Variants in PKD2 observed in about 807,000 individuals in gnomAD.
PKD2 encodes the protein polycystin-2.
PKD2 carries 48 observed loss-of-function variants against 105.9 expected under a neutral mutation model. The observed-to-expected ratio is 0.45, with a 90% CI of 0.36 to 0.58. The LOEUF is 0.58. Among genes scored for constraint, PKD2 ranks in the 20% least tolerant of loss-of-function variants. The pLI is 0.00. For missense variants in PKD2, 1,078 were observed against 1,255.3 expected (o/e 0.86, Z 2.13); for synonymous variants, 464 against 481.1 (o/e 0.96, Z 0.46).
At chr4:88,011,409 C>G (rs537856311) in intron 1 of PKD2, among the ~76,000 whole-genome samples, 10 of 151,772 alleles carry the variant, frequency 6.6e-5, no homozygotes, top group African/African-American at 1.9e-4. Flanking sequence ...AGATACCTCC[C>G]TCCCCTTCAA....
At chr4:88,074,377 A>G (rs1182493189) in intron 13 of PKD2, among the ~76,000 whole-genome samples, 3 of 152,134 alleles carry the variant, frequency 2.0e-5, no homozygotes, top group Admixed American at 6.6e-5. Flanking sequence ...GCCTCAAGCG[A>G]TCTGCACACT....
At chr4:88,024,301 A>G (rs1726869733) in intron 2 of PKD2, among the ~76,000 whole-genome samples, 1 of 151,856 alleles carries the variant, frequency 6.6e-6, no homozygotes, top group Non-Finnish European at 1.5e-5. Context: ...TACAAGATAT[A>G]CAAAAATTAG....
intron 3 of PKD2, 31 bp from the exon 4 acceptor site, chr4:88,038,220 A>G (rs377703497): frequency 3.6e-5 from 58 of 1,613,392 alleles, no homozygotes; most frequent in Non-Finnish European, 4.7e-5. Flanking sequence ...TGAGCTTGGA[A>G]CTTTTTCAGA....
chr4:88,022,416 A>G (rs1228039321), intron 2 of PKD2, among the ~76,000 whole-genome samples: 1 of 152,222 alleles, frequency 6.6e-6, no homozygotes, highest in African/African-American at 2.4e-5. Flanking sequence ...ACTTCATTAT[A>G]TTATCATCCA....
Position 88,046,700 on chromosome 4 carries a change from T to C in PKD2, c.1378T>C (p.Leu460=). 1 of 1,614,004 alleles carries C rather than the reference T, an allele frequency of 6.2e-7. No homozygotes were observed. The highest frequency in any genetic ancestry group is 8.5e-7 in the Non-Finnish European group (1 of 1,179,834). The change falls in exon 6 of 15, where the codon TTA becomes CTA. Residue 460 remains leucine, a synonymous_variant. Transcript: ENST00000237596. ...GATTCCATCTTGGCAATTTCAGCCT[T>C]TAAAGCTGATCCGATATGTCACAAC... ...GVIPSWQFQP[L]KLIRYVTTFD...
At chr4:88,026,843 A>T (rs1010640179) in intron 2 of PKD2, among the ~76,000 whole-genome samples, 5 of 152,208 alleles carry the variant, frequency 3.3e-5, no homozygotes. Flanking sequence ...GGTTAAAAGG[A>T]GCCAAGGTAC....
intron 6 of PKD2, among the ~76,000 whole-genome samples, chr4:88,050,263 C>G (rs986753068): frequency 5.9e-5 from 9 of 152,058 alleles, no homozygotes; most frequent in Admixed American, 4.6e-4. Flanking sequence ...CGTGAACCAC[C>G]GCGCCTGGCC....
chr4:88,007,912 G>A lies in PKD2; in HGVS notation c.179G>A (p.Arg60Gln). 2 of 1,431,978 alleles carry A rather than the reference G, an allele frequency of 1.4e-6. No homozygotes were observed. Among genetic ancestry groups the A allele is most frequent in the Non-Finnish European group, 9.2e-7 (1 of 1,087,818 alleles). 88.7% of individuals were successfully genotyped at this position (1,431,978 alleles called of 1,614,324 possible). Residue 60 changes from arginine (R) to glutamine (Q), a missense_variant, in exon 1 of 15, where the codon CGG becomes CAG. Arg to Gln is a conservative substitution (Grantham distance 43). This residue lies in a region of PKD2 where 210 missense variants were observed against 187.9 expected (regional missense o/e 1.12). Coordinates refer to ENST00000237596, the MANE Select transcript of PKD2 (RefSeq NM_000297.4). ...RGLEIEMQRI[R>Q]QAAARDPPAG... ...CTGGAGATCGAGATGCAGCGCATCC[G>A]GCAGGCGGCCGCGCGGGACCCCCCG...
chr4:88,074,697 T>C, intron 13 of PKD2, 115 bp from the exon 14 acceptor site: 1 of 1,088,334 alleles, frequency 9.2e-7, no homozygotes, highest in Non-Finnish European at 1.4e-6. Flanking sequence ...TAGAAAGTGT[T>C]TCAAATGATT....
At chr4:88,037,826 T>C (rs954066928) in intron 3 of PKD2, among the ~76,000 whole-genome samples, 16 of 152,232 alleles carry the variant, frequency 1.1e-4, no homozygotes, top group Non-Finnish European at 2.9e-5. Flanking sequence ...GTGAAAGGTC[T>C]ATCAAATGCC....
intron 2 of PKD2, 199 bp from the exon 3 acceptor site, chr4:88,036,021 G>A (rs368131304): frequency 1.2e-4 from 87 of 726,560 alleles, no homozygotes; most frequent in Admixed American, 6.4e-4. Context: ...TTAATATTAC[G>A]TATTTCTTTT....
At chr4:88,056,969 GT>G (rs1274982611) in intron 8 of PKD2, among the ~76,000 whole-genome samples, 9 of 150,056 alleles carry the variant, frequency 6.0e-5, no homozygotes, top group African/African-American at 1.5e-4. Flanking sequence ...GGTTTTTGGG[GT>G]TTTTTTGTTT....
chr4:88,041,647 C>T (rs758943278), intron 4 of PKD2, among the ~76,000 whole-genome samples: 30 of 152,302 alleles, frequency 2.0e-4, no homozygotes, highest in South Asian at 1.0e-3. Context: ...TCACTGGGTA[C>T]TGGTACTGGT....
Position 88,011,908 on chromosome 4 carries a change from G to A in PKD2, c.595+3580G>A, listed in dbSNP as rs1578113852. On this transcript the variant is annotated intron_variant, in intron 1 of 14. Coordinates refer to ENST00000237596, the MANE Select transcript of PKD2 (RefSeq NM_000297.4). Reference sequence around the variant, plus strand: ...AGGTTTTCAATGGGGGGGGGGGGGAGGGGCAGTTTTGCCCCTCAGGGGACA... The same window carrying A: ...AGGTTTTCAATGGGGGGGGGGGGGAAGGGCAGTTTTGCCCCTCAGGGGACA... Among the ~76,000 whole-genome samples, 8 of 89,524 alleles carry A rather than the reference G, an allele frequency of 8.9e-5. No individual in the cohort carries two copies. The South Asian group carries it at 3.1e-3, about 35-fold the overall frequency. 58.7% of individuals were successfully genotyped at this position (89,524 alleles called of 152,430 possible).
rs1303528720 is a variant in PKD2, at chr4:88,036,308, G to C, written c.798G>C (p.Glu266Asp). The C allele has an allele frequency of 6.2e-7, 1 of 1,614,100 alleles. No individual in the cohort carries two copies. Reference sequence around the variant, plus strand: ...TAGACACCCCCGTGTCCAAAACGGAGAAAACTAACTTTAAAACTCTGTCTT... The same window carrying C: ...TAGACACCCCCGTGTCCAAAACGGACAAAACTAACTTTAAAACTCTGTCTT... Reference protein sequence around the residue: ...LFLDTPVSKTEKTNFKTLSSM... With the variant: ...LFLDTPVSKTDKTNFKTLSSM... Residue 266 changes from glutamate (E) to aspartate (D), a missense_variant, in exon 3 of 15, where the codon GAG (glutamate) becomes GAC (aspartate). By Grantham distance (45) the Glu-to-Asp change is conservative (BLOSUM62 2). This residue lies in a region of PKD2 where 868 missense variants were observed against 1,067.3 expected (regional missense o/e 0.81). Coordinates refer to ENST00000237596, the MANE Select transcript of PKD2 (RefSeq NM_000297.4).
At chr4:88,055,027 C>T (rs1578141043) in intron 7 of PKD2, among the ~76,000 whole-genome samples, 1 of 152,178 alleles carries the variant, frequency 6.6e-6, no homozygotes, top group East Asian at 1.9e-4. Flanking sequence ...ACAATCTGGG[C>T]AGCCATCCTC....
intron 1 of PKD2, among the ~76,000 whole-genome samples, chr4:88,009,817 TGAGA>T (rs1444611922): frequency 6.6e-6 from 1 of 152,290 alleles, no homozygotes; most frequent in East Asian, 1.9e-4. Flanking sequence ...TTCACTGAAG[TGAGA>T]GAGAAGTTCC....
intron 2 of PKD2, chr4:88,036,004 G>A (rs1382089000): frequency 1.5e-6 from 1 of 658,656 alleles, no homozygotes; most frequent in Non-Finnish European, 2.6e-6. Context: ...TTTCCCATAA[G>A]CCAATATTAA....
At chr4:88,017,977 A>T (rs927797876) in intron 1 of PKD2, among the ~76,000 whole-genome samples, 1 of 152,220 alleles carries the variant, frequency 6.6e-6, no homozygotes, top group Non-Finnish European at 1.5e-5. Flanking sequence ...AGGGCTACCG[A>T]GCCTAATCTT....
Sources: gnomAD v4.1 joint callset for allele counts (sites outside exome capture counted in the v4.1 genomes callset) on GRCh38, gnomAD v4.1.1 for gene constraint, gnomAD v4.1.1 regional missense constraint, MANE v1.5 for transcripts, NCBI Gene and HGNC (gene_info 2026-07-23, HGNC 2026-07-21) for gene names.